The following SEPTIN11 variants were observed in gnomAD, a reference collection of about 807,000 sequenced individuals.
The protein encoded by SEPTIN11 is septin 11.
In SEPTIN11, 25 loss-of-function variants were observed where a neutral mutation model predicts 51.4. The ratio of observed to expected loss-of-function variants is 0.49; its 90% confidence interval spans 0.35 to 0.68. The LOEUF is 0.68. SEPTIN11 is among the 30% of genes least tolerant of loss of function. The pLI, the probability that SEPTIN11 is intolerant of heterozygous loss-of-function variation, is 0.00. For synonymous variants in SEPTIN11, 174 were observed against 184.1 expected (o/e 0.95, Z 0.44); for missense variants, 381 against 520.8 (o/e 0.73, Z 2.61).
At chr4:76,995,911 G>A (rs960051956) in intron 1 of SEPTIN11, 37 of 1,535,646 alleles carry the variant, frequency 2.4e-5, no homozygotes, top group Non-Finnish European at 3.1e-5. Context: ...CTCATGTGCT[G>A]AGAAGTTTTA....
chr4:77,020,488 C>G lies in SEPTIN11; in HGVS notation c.785-14C>G, dbSNP rs749481537. The G allele has an allele frequency of 6.2e-7, 1 of 1,612,618 alleles. No individual in the cohort carries two copies. The highest frequency in any genetic ancestry group is 1.1e-5 in the South Asian group (1 of 90,854). On this transcript the variant is annotated splice_polypyrimidine_tract_variant and intron_variant, in intron 6 of 9. Coordinates refer to ENST00000264893, the MANE Select transcript of SEPTIN11 (RefSeq NM_018243.4). ...TGCTAATCCCACTTCCGCCATTTCC[C>G]CCCTCTCTTGTAGTTGAGAATGAAA...
At position 77,037,740 on chromosome 4, in the gene SEPTIN11, T is replaced by C; in HGVS notation, c.*3228T>C. The C allele has an allele frequency of 2.0e-6, 2 of 985,876 alleles. No homozygotes were observed. The highest frequency in any genetic ancestry group is 2.4e-6 in the Non-Finnish European group (2 of 829,930). 61.1% of individuals were successfully genotyped at this position (985,876 alleles called of 1,614,324 possible). A position where few individuals can be genotyped will look rare whatever the true frequency, so the allele number is the denominator to read the frequency against. ...ACTGTAGAATGTGATGGAAAAGCAT[T>C]GATGAGAATTTATTGGCAGTTCAGA... On this transcript the variant is annotated 3_prime_UTR_variant, in exon 10 of 10. Transcript: ENST00000264893.
intron 1 of SEPTIN11, among the ~76,000 whole-genome samples, chr4:76,993,971 ACT>A (rs1318029812): frequency 6.6e-6 from 1 of 152,022 alleles, no homozygotes; most frequent in Non-Finnish European, 1.5e-5. Flanking sequence ...ATAATTACTA[ACT>A]CTGATTCTTT....
At chr4:77,014,819 T>G (rs1184197073) in intron 4 of SEPTIN11, 37 bp from the exon 5 acceptor site, 1 of 1,604,560 alleles carries the variant, frequency 6.2e-7, no homozygotes, top group East Asian at 2.2e-5. Flanking sequence ...TTTTCTTATG[T>G]TGGAATTGTG....
intron 7 of SEPTIN11, 84 bp from the exon 8 acceptor site, chr4:77,028,545 A>C: frequency 5.8e-6 from 8 of 1,391,190 alleles, no homozygotes; most frequent in Non-Finnish European, 7.8e-6. Context: ...ATGTTTTGAA[A>C]GTAGATAGGT....
chr4:76,949,799 G>C lies in SEPTIN11; in HGVS notation c.-105G>C, dbSNP rs904048. On this transcript the variant is annotated 5_prime_UTR_variant, in exon 1 of 10. Transcript: ENST00000264893. ...GCGGGACGCCGGCGAGCAGAGCGCAGCCGCGAGGGAGGCGCGAGGGAGGCG... is the reference window on the plus strand; with the variant it reads ...GCGGGACGCCGGCGAGCAGAGCGCACCCGCGAGGGAGGCGCGAGGGAGGCG... 7.7e-7 allele frequency: 1 copy of C among 1,291,404 alleles called. No homozygotes were observed. The highest frequency in any genetic ancestry group is 1.6e-5 in the African/African-American group (1 of 64,418). 80.0% of individuals were successfully genotyped at this position (1,291,404 alleles called of 1,614,324 possible).
chr4:77,012,022 T>A (rs1724900438), intron 4 of SEPTIN11, 101 bp downstream of exon 4: 1 of 1,005,586 alleles, frequency 9.9e-7, no homozygotes, highest in African/African-American at 1.6e-5. Flanking sequence ...TTTTTTTTCC[T>A]GGATTACAGG....
chr4:76,957,095 T>C (rs1721597179), intron 1 of SEPTIN11, among the ~76,000 whole-genome samples: 1 of 151,666 alleles, frequency 6.6e-6, no homozygotes, highest in Non-Finnish European at 1.5e-5. Context: ...GTGATGAGCT[T>C]CCAGGGACAT....
rs188396220 is a variant in SEPTIN11, at chr4:77,035,558, A to G, written c.*1046A>G. The G allele has an allele frequency of 1.3e-3, 1,294 of 985,446 alleles. 15 individuals carry two copies. The South Asian group carries it at 0.033, about 25-fold the overall frequency. The allele number at this position is 985,446 out of a possible 1,614,324, so 61.0% of individuals were successfully genotyped here. A position where few individuals can be genotyped will look rare whatever the true frequency, so the allele number is the denominator to read the frequency against. ...CAATTTTAAGGTGGAAATAGGAAGGACCACAACATGACCCGTAAGTCAAGA... is the reference window on the plus strand; with the variant it reads ...CAATTTTAAGGTGGAAATAGGAAGGGCCACAACATGACCCGTAAGTCAAGA... On this transcript the variant is annotated 3_prime_UTR_variant, in exon 10 of 10. Coordinates refer to ENST00000264893, the MANE Select transcript of SEPTIN11 (RefSeq NM_018243.4).
At chr4:76,981,261 T>C (rs534904120) in intron 1 of SEPTIN11, among the ~76,000 whole-genome samples, 3 of 152,310 alleles carry the variant, frequency 2.0e-5, no homozygotes, top group Non-Finnish European at 4.4e-5. Flanking sequence ...ATGATAATGA[T>C]AAAGAAAATG....
chr4:76,956,985 T>TGTGTGTGTGTGG, intron 1 of SEPTIN11, among the ~76,000 whole-genome samples: 1 of 139,882 alleles, frequency 7.1e-6, no homozygotes, highest in African/African-American at 2.8e-5. Context: ...TGTGTGTGTG[T>TGTGTGTGTGTGG]GTGTGTGTGA....
At chr4:76,978,564 T>A (rs191201244) in intron 1 of SEPTIN11, among the ~76,000 whole-genome samples, 1 of 152,298 alleles carries the variant, frequency 6.6e-6, no homozygotes, top group East Asian at 1.9e-4. Flanking sequence ...GCCCTACCAC[T>A]TACTTGCTGC....
chr4:76,970,347 G>A lies in SEPTIN11; in HGVS notation c.27+20417G>A, dbSNP rs536246950. On this transcript the variant is annotated intron_variant, in intron 1 of 9. Coordinates refer to ENST00000264893, the MANE Select transcript of SEPTIN11 (RefSeq NM_018243.4). ...TATCTTAAACACAGCATAGAGTAGT[G>A]GCTAGCACAAAGGAGTTATTCAGTA... 4.6e-5 allele frequency among the ~76,000 whole-genome samples: 7 copies of A among 152,270 alleles called. No homozygotes were observed. In the South Asian group the frequency reaches 1.5e-3, roughly 32 times the overall value.
intron 1 of SEPTIN11, among the ~76,000 whole-genome samples, chr4:76,985,701 G>C (rs182804290): frequency 6.6e-6 from 1 of 152,184 alleles, no homozygotes; most frequent in Non-Finnish European, 1.5e-5. Context: ...GGGAAGGTGG[G>C]CCAGGCACCA....
rs917699021 is a variant in SEPTIN11, at chr4:77,024,116, CTG to C, written c.953+3450_953+3451del. Among the ~76,000 whole-genome samples, 7 of 152,120 alleles carry C rather than the reference CTG, an allele frequency of 4.6e-5. No homozygotes were observed. Among genetic ancestry groups the C allele is most frequent in the African/African-American group, 1.7e-4 (7 of 41,424 alleles). On this transcript the variant is annotated intron_variant, in intron 7 of 9. Transcript: ENST00000264893. The surrounding 1 kb of genome is among the most constrained non-coding windows in gnomAD (Gnocchi z 4.2). ...CCAAGTCTAGTAAGAGGCAGTGCCA[CTG>C]TGTATGTTACACAGTGTGAGGCAAA...
chr4:76,958,176 C>T (rs570224626), intron 1 of SEPTIN11, among the ~76,000 whole-genome samples: 2 of 152,336 alleles, frequency 1.3e-5, no homozygotes, highest in South Asian at 2.1e-4. Context: ...TGTCAACCCC[C>T]GGTAGGTGTA....
chr4:76,949,768 C>T lies in SEPTIN11; in HGVS notation c.-136C>T, dbSNP rs1445148955. Reference sequence around the variant, plus strand: ...GCGTGGGGGGAGCAGATGCCGCTGGCTGCCAGCGGGACGCCGGCGAGCAGA... The same window carrying T: ...GCGTGGGGGGAGCAGATGCCGCTGGTTGCCAGCGGGACGCCGGCGAGCAGA... On this transcript the variant is annotated 5_prime_UTR_variant, in exon 1 of 10. Coordinates refer to ENST00000264893, the MANE Select transcript of SEPTIN11 (RefSeq NM_018243.4). 1.1e-6 allele frequency: 1 copy of T among 913,660 alleles called. No homozygotes were observed. The highest frequency in any genetic ancestry group is 3.0e-5 in the Admixed American group (1 of 33,132). 56.6% of individuals were successfully genotyped at this position (913,660 alleles called of 1,614,324 possible). A position where few individuals can be genotyped will look rare whatever the true frequency, so the allele number is the denominator to read the frequency against.
intron 1 of SEPTIN11, among the ~76,000 whole-genome samples, chr4:76,964,535 AGGATCTTCAAAC>A (rs1409537360): frequency 1.3e-5 from 2 of 152,292 alleles, no homozygotes; most frequent in African/African-American, 4.8e-5. Context: ...GAGATACTCG[AGGATCTTCAAAC>A]GTATCTGTGA....
intron 8 of SEPTIN11, among the ~76,000 whole-genome samples, chr4:77,030,134 T>TA (rs1380204481): frequency 1.3e-5 from 2 of 152,022 alleles, no homozygotes; most frequent in African/African-American, 2.4e-5. Flanking sequence ...CGCATGCCCA[T>TA]AATCCCAGCT....
Sources: gnomAD v4.1 joint callset for allele counts (sites outside exome capture counted in the v4.1 genomes callset) on GRCh38, gnomAD v4.1.1 for gene constraint, Gnocchi (gnomAD v3.1) non-coding constraint, MANE v1.5 for transcripts, NCBI Gene and HGNC (gene_info 2026-07-23, HGNC 2026-07-21) for gene names.